Variants in LRRC4C observed in about 807,000 individuals in gnomAD.
LRRC4C encodes leucine-rich repeat-containing protein 4C.
LRRC4C carries 5 observed loss-of-function variants against 33.6 expected under a neutral mutation model. That is an observed-to-expected ratio of 0.15 (90% CI 0.08 to 0.31). The LOEUF (loss-of-function observed/expected upper bound fraction) is 0.31. Among genes scored for constraint, LRRC4C ranks in the 10% least tolerant of loss-of-function variants. The probability of loss-of-function intolerance (pLI) is 1.00; values close to 1 mark genes in which losing one functional copy is unlikely to be tolerated. For synonymous variants in LRRC4C, 329 were observed against 302.0 expected (o/e 1.09, Z -0.93); for missense variants, 560 against 796.7 (o/e 0.70, Z 3.58).
At position 41,081,430 on chromosome 11, in the gene LRRC4C, C is replaced by T. The variant is rs1198091474; in HGVS notation, c.-495-147707G>A. On this transcript the variant is annotated intron_variant, in intron 1 of 6. Transcript: ENST00000528697. The stretch of plus-strand genomic sequence containing the variant: ...AATTCTCACCCAGCAGTCTTCACCT[C>T]ATACCAGCCATTCAAGCATCAAGAT... Among the ~76,000 whole-genome samples the T allele has an allele frequency of 3.3e-5, 5 of 152,198 alleles. No individual in the cohort carries two copies. The South Asian group carries it at 1.0e-3, about 31-fold the overall frequency.
At chr11:40,720,612 G>A (rs745929604) in intron 2 of LRRC4C, among the ~76,000 whole-genome samples, 14 of 151,468 alleles carry the variant, frequency 9.2e-5, no homozygotes, top group Non-Finnish European at 1.8e-4. Flanking sequence ...GTACCACCTC[G>A]TCTTCACCTT....
chr11:41,230,480 T>C (rs954415148), intron 1 of LRRC4C, among the ~76,000 whole-genome samples: 1 of 152,076 alleles, frequency 6.6e-6, no homozygotes, highest in African/African-American at 2.4e-5. Flanking sequence ...GCCTTAAGCA[T>C]AGCTTAAGCA....
At chr11:41,233,237 G>A (rs904858098) in intron 1 of LRRC4C, among the ~76,000 whole-genome samples, 3 of 151,916 alleles carry the variant, frequency 2.0e-5, no homozygotes, top group Non-Finnish European at 4.4e-5. Flanking sequence ...GGTTAAGAAA[G>A]TTCAAGTGAA....
chr11:40,897,940 G>A (rs1372377848), intron 2 of LRRC4C, among the ~76,000 whole-genome samples: 4 of 151,946 alleles, frequency 2.6e-5, no homozygotes, highest in Admixed American at 1.3e-4. Flanking sequence ...AATATATTTT[G>A]CTTGTTCCCA....
intron 1 of LRRC4C, among the ~76,000 whole-genome samples, chr11:41,079,739 A>T (rs1939422869): frequency 6.6e-6 from 1 of 152,238 alleles, no homozygotes; most frequent in South Asian, 2.1e-4. Context: ...GTGGCTCAAC[A>T]CAAATTCATA....
At chr11:40,316,042 T>A (rs1223117440) in intron 4 of LRRC4C, among the ~76,000 whole-genome samples, 1 of 151,998 alleles carries the variant, frequency 6.6e-6, no homozygotes, top group Non-Finnish European at 1.5e-5. Flanking sequence ...ATCTAATAAC[T>A]ATTTTAGCCA....
chr11:40,246,397 C>T (rs1425667789), intron 4 of LRRC4C, among the ~76,000 whole-genome samples: 1 of 152,106 alleles, frequency 6.6e-6, no homozygotes, highest in African/African-American at 2.4e-5. Flanking sequence ...ACTCTGCAGA[C>T]TTTTGATTTA....
intron 5 of LRRC4C, among the ~76,000 whole-genome samples, chr11:40,212,343 A>G (rs1158004570): frequency 6.6e-6 from 1 of 152,114 alleles, no homozygotes; most frequent in Admixed American, 6.6e-5. Flanking sequence ...AACAAACTCA[A>G]TGCTTGTTGG....
intron 5 of LRRC4C, among the ~76,000 whole-genome samples, chr11:40,198,764 G>A (rs1001912470): frequency 1.3e-5 from 2 of 152,140 alleles, no homozygotes; most frequent in Non-Finnish European, 2.9e-5. Context: ...GCTAGTTTGT[G>A]CCTGAATAAT....
chr11:41,368,759 T>A (rs554338135), intron 1 of LRRC4C, among the ~76,000 whole-genome samples: 27 of 152,318 alleles, frequency 1.8e-4, no homozygotes, highest in Non-Finnish European at 1.5e-4. Flanking sequence ...CTTTCCTACA[T>A]GTTGCTACTG....
intron 4 of LRRC4C, among the ~76,000 whole-genome samples, chr11:40,303,052 A>G (rs1456447499): frequency 2.0e-5 from 3 of 152,128 alleles, no homozygotes; most frequent in Non-Finnish European, 1.5e-5. Context: ...GTTTTTTCGA[A>G]CGGTAAAGGA....
intron 2 of LRRC4C, among the ~76,000 whole-genome samples, chr11:40,740,680 T>C (rs879915763): frequency 2.6e-5 from 4 of 152,062 alleles, no homozygotes; most frequent in Admixed American, 2.6e-4. Flanking sequence ...TTTCTGTGCT[T>C]TTGGGTCATA....
At chr11:40,237,369 A>G (rs1299145221) in intron 5 of LRRC4C, among the ~76,000 whole-genome samples, 1 of 152,210 alleles carries the variant, frequency 6.6e-6, no homozygotes, top group Non-Finnish European at 1.5e-5. Flanking sequence ...GGTGGTACAG[A>G]GCATTAGAGG....
chr11:40,832,755 TA>T (rs528033971), intron 2 of LRRC4C, among the ~76,000 whole-genome samples: 17 of 152,264 alleles, frequency 1.1e-4, no homozygotes, highest in Non-Finnish European at 1.9e-4. Flanking sequence ...AACTATCAAA[TA>T]AACTAAATTT....
At chr11:41,028,985 CA>C (rs1856556249) in intron 1 of LRRC4C, among the ~76,000 whole-genome samples, 1 of 151,682 alleles carries the variant, frequency 6.6e-6, no homozygotes, top group Non-Finnish European at 1.5e-5. Context: ...TATATACATT[CA>C]CGTATATATG....
At chr11:40,471,368 C>T (rs1952926195) in intron 3 of LRRC4C, among the ~76,000 whole-genome samples, 1 of 152,140 alleles carries the variant, frequency 6.6e-6, no homozygotes, top group South Asian at 2.1e-4. Flanking sequence ...GCCTGCCTTA[C>T]AAGAGCTCCT....
intron 1 of LRRC4C, among the ~76,000 whole-genome samples, chr11:41,184,537 G>T (rs1197891843): frequency 6.6e-6 from 1 of 152,106 alleles, no homozygotes; most frequent in Non-Finnish European, 1.5e-5. Flanking sequence ...AACTTCATCT[G>T]AGACCACCTT....
intron 1 of LRRC4C, among the ~76,000 whole-genome samples, chr11:41,128,266 C>CAAA (rs10648242): frequency 1.2e-4 from 17 of 146,168 alleles, no homozygotes; most frequent in East Asian, 2.0e-4. Flanking sequence ...GTCATACCTC[C>CAAA]AAAAAAAAAA....
At chr11:41,150,920 A>G (rs1315639683) in intron 1 of LRRC4C, among the ~76,000 whole-genome samples, 1 of 152,156 alleles carries the variant, frequency 6.6e-6, no homozygotes, top group Non-Finnish European at 1.5e-5. Flanking sequence ...TGGGAGAAAA[A>G]ATTGGAAATG....
Sources: allele counts gnomAD v4.1 joint callset (sites outside exome capture counted in the v4.1 genomes callset), GRCh38; gene constraint gnomAD v4.1.1; transcripts MANE v1.5; gene names NCBI Gene and HGNC (gene_info 2026-07-23, HGNC 2026-07-21).